Variants in LZTR1 observed in about 807,000 individuals in gnomAD.
LZTR1 encodes the protein leucine zipper like post translational regulator 1, also known as leucine-zipper-like transcriptional regulator 1.
LZTR1 carries 260 observed loss-of-function variants against 105.7 expected under a neutral mutation model. The observed-to-expected ratio is 2.46, with a 90% CI of 2.22 to 2.72. The LOEUF is 2.72. LZTR1 is among the 30% of genes most tolerant of loss of function. The probability of loss-of-function intolerance (pLI) is 0.00; values close to 1 mark genes in which losing one functional copy is unlikely to be tolerated. For synonymous variants in LZTR1, 490 were observed against 476.4 expected, an observed-to-expected ratio of 1.03 and a Z score of -0.37; for missense variants, 1,214 against 1,166.9, an observed-to-expected ratio of 1.04 and a Z score of -0.59.
chr22:20,997,019 GC>G, intron 20 of LZTR1, 53 bp downstream of exon 20: 1 of 1,582,166 alleles, frequency 6.3e-7, no homozygotes, highest in Non-Finnish European at 8.7e-7. Flanking sequence ...CAGTGGCCAT[GC>G]CCAGGCAGGG....
chr22:20,996,981 C>G lies in LZTR1; in HGVS notation c.2406+15C>G, dbSNP rs1350762782. ...AGTTCACCAAGGTCAGGGCTCTGGC[C>G]TCCCCTTCAGGACTCGCTTCCCCTT... On this transcript the variant is annotated intron_variant, in intron 20 of 20. Transcript: ENST00000646124. The G allele has an allele frequency of 1.2e-6, 2 of 1,612,906 alleles. No homozygotes were observed. Among genetic ancestry groups the G allele is most frequent in the East Asian group, 4.5e-5 (2 of 44,886 alleles).
rs1190572312 is a variant in LZTR1, at chr22:20,997,649, G to A, written c.*301G>A. ...GTGATGGGCTCACCACCCAGAAGTG[G>A]GGAGAGACTTTGGGCCTCCCACCCA... On this transcript the variant is annotated 3_prime_UTR_variant, in exon 21 of 21. Coordinates refer to ENST00000646124, the MANE Select transcript of LZTR1 (RefSeq NM_006767.4). 3 of 273,394 alleles carry A rather than the reference G, an allele frequency of 1.1e-5. No individual in the cohort carries two copies. Among genetic ancestry groups the A allele is most frequent in the Admixed American group, 4.7e-5 (1 of 21,346 alleles). 16.9% of individuals were successfully genotyped at this position (273,394 alleles called of 1,614,324 possible).
intron 8 of LZTR1, 193 bp downstream of exon 8, chr22:20,990,718 G>T: frequency 1.7e-6 from 1 of 595,358 alleles, no homozygotes; most frequent in Non-Finnish European, 2.9e-6. Flanking sequence ...CTACAGCTTA[G>T]CAAGATAAGG....
chr22:20,994,200 G>C lies in LZTR1; in HGVS notation c.1546G>C (p.Ala516Pro), dbSNP rs1288910632. ...PPLLHVAIRE[A>P]EARPFEVLMQ... The stretch of plus-strand genomic sequence containing the variant: ...CCTGCTGCACGTGGCCATCCGGGAG[G>C]CCGAGGCCCGGCCCTTCGAGGTGCT... The change falls in exon 14 of 21, where the codon GCC becomes CCC. Residue 516 changes from alanine (A) to proline (P), a missense_variant. Ala to Pro is a conservative substitution (Grantham distance 27, BLOSUM62 -1). Transcript: ENST00000646124. 3 of 1,603,160 alleles carry C rather than the reference G, an allele frequency of 1.9e-6. No individual in the cohort carries two copies. Among genetic ancestry groups the C allele is most frequent in the Non-Finnish European group, 2.5e-6 (3 of 1,178,886 alleles).
chr22:20,982,425 C>T lies in LZTR1; in HGVS notation c.54C>T (p.Gly18=). The change falls in exon 1 of 21, where the codon GGC becomes GGT. Residue 18 remains glycine (G), a synonymous_variant. Coordinates refer to ENST00000646124, the MANE Select transcript of LZTR1 (RefSeq NM_006767.4). The part of the protein sequence containing the change: ...GGQIGAAALA[G]GARSKVAPSV... ...AGATCGGGGCTGCGGCCCTGGCAGG[C>T]GGCGCGCGGTCCAAGGTAGCCCCGA... The T allele has an allele frequency of 6.3e-7, 1 of 1,575,728 alleles. No homozygotes were observed. The highest frequency in any genetic ancestry group is 8.6e-7 in the Non-Finnish European group (1 of 1,160,288).
chr22:20,990,418 CTGCAACTT>C lies in LZTR1; in HGVS notation c.685_692del (p.Cys229ProfsTer28). The C allele has an allele frequency of 6.2e-7, 1 of 1,614,150 alleles. No individual in the cohort carries two copies. The highest frequency in any genetic ancestry group is 8.5e-7 in the Non-Finnish European group (1 of 1,180,030). ...AGAGTGGCGAGATCCCCCCATCTTG[CTGCAACTT>C]CCCCGTGGCTGTGTGCCGGGACAAG... is the stretch of plus-strand genomic sequence containing the variant. On this transcript the variant is annotated frameshift_variant, in exon 8 of 21. Coordinates refer to ENST00000646124, the MANE Select transcript of LZTR1 (RefSeq NM_006767.4). LOFTEE classifies it high-confidence loss of function.
intron 6 of LZTR1, 26 bp from the exon 7 acceptor site, chr22:20,989,599 G>A: frequency 6.2e-7 from 1 of 1,606,168 alleles, no homozygotes; most frequent in African/African-American, 1.3e-5. Flanking sequence ...GACCCAAGGG[G>A]TCCTCACTGG....
At chr22:20,989,522 G>C in intron 6 of LZTR1, 103 bp from the exon 7 acceptor site, 2 of 930,486 alleles carry the variant, frequency 2.1e-6, no homozygotes, top group Non-Finnish European at 3.6e-6. Flanking sequence ...CTCCTACCCT[G>C]TGTGGGGGTG....
At position 20,998,334 on chromosome 22, in the gene LZTR1, G is replaced by C. The variant is rs1236666173; in HGVS notation, c.*986G>C. ...GGGGAATCCTGGAGGCCTGGGGTGG[G>C]CTCCTGCCCCTTCTGCCCTGCCTTG... On this transcript the variant is annotated 3_prime_UTR_variant, in exon 21 of 21. Coordinates refer to ENST00000646124, the MANE Select transcript of LZTR1 (RefSeq NM_006767.4). 1 of 152,408 alleles carries C rather than the reference G, an allele frequency of 6.6e-6. No individual in the cohort carries two copies. The highest frequency in any genetic ancestry group is 1.5e-5 in the Non-Finnish European group (1 of 68,190). 9.4% of individuals were successfully genotyped at this position (152,408 alleles called of 1,614,324 possible).
At chr22:20,985,556 C>T (rs1404190050) in intron 2 of LZTR1, among the ~76,000 whole-genome samples, 1 of 150,812 alleles carries the variant, frequency 6.6e-6, no homozygotes, top group Non-Finnish European at 1.5e-5. Flanking sequence ...TTCATGCCTT[C>T]ATGTCAGCTG....
intron 6 of LZTR1, 102 bp downstream of exon 6, chr22:20,988,974 C>G (rs544361034): frequency 1.9e-6 from 2 of 1,047,274 alleles, no homozygotes; most frequent in African/African-American, 3.1e-5. Flanking sequence ...ATTTTGAGTG[C>G]CTGGTGGATT....
At chr22:20,988,650 G>A in intron 5 of LZTR1, 139 bp from the exon 6 acceptor site, 2 of 667,090 alleles carry the variant, frequency 3.0e-6, no homozygotes, top group Non-Finnish European at 5.5e-6. Flanking sequence ...CTAGTGCCTT[G>A]TGGAGGTCCT....
chr22:20,997,089 A>T, intron 20 of LZTR1, 123 bp downstream of exon 20: 1 of 1,181,938 alleles, frequency 8.5e-7, no homozygotes, highest in Non-Finnish European at 1.3e-6. Flanking sequence ...AGAGAAGCAG[A>T]GCAGCCCATC....
intron 10 of LZTR1, 144 bp from the exon 11 acceptor site, chr22:20,992,650 C>A (rs1924646986): frequency 1.5e-6 from 1 of 646,258 alleles, no homozygotes; most frequent in Non-Finnish European, 2.7e-6. Flanking sequence ...TGTGTCTGTA[C>A]CCAGGGGCCC....
In LZTR1 at chr22:20,994,094, C is replaced by T; in HGVS notation, c.1450-10C>T. On this transcript the variant is annotated splice_polypyrimidine_tract_variant and intron_variant, in intron 13 of 20. Coordinates refer to ENST00000646124, the MANE Select transcript of LZTR1 (RefSeq NM_006767.4). ...CACTGGGGTGTCCTTGAGCTCCCTT[C>T]TCCCCACAGAAGCTGGAGCAGGAGG... 1 of 1,577,360 alleles carries T rather than the reference C, an allele frequency of 6.3e-7. No individual in the cohort carries two copies. Among genetic ancestry groups the T allele is most frequent in the African/African-American group, 1.3e-5 (1 of 74,446 alleles).
At chr22:20,990,734 C>G in intron 8 of LZTR1, 1 of 553,154 alleles carries the variant, frequency 1.8e-6, no homozygotes, top group Non-Finnish European at 3.2e-6. Flanking sequence ...TAAGGCCTGG[C>G]GAGGAGGCCC....
rs1468254519 is a variant in LZTR1 at position 20,993,589 on chromosome 22, G to C, written c.1261-73G>C. ...AGCATGGGCCAGGTGGGGACCTCAG[G>C]GTCGGCCTGCACAGCCACACTGGGG... On this transcript the variant is annotated intron_variant, in intron 11 of 20. Coordinates refer to ENST00000646124, the MANE Select transcript of LZTR1 (RefSeq NM_006767.4). The C allele has an allele frequency of 2.3e-6, 3 of 1,324,998 alleles. No homozygotes were observed. In the Admixed American group the frequency reaches 5.7e-5, roughly 25 times the overall value. The allele number at this position is 1,324,998 out of a possible 1,614,324, so 82.1% of individuals were successfully genotyped here. A position where few individuals can be genotyped will look rare whatever the true frequency, so the allele number is the denominator to read the frequency against.
At chr22:20,988,899 C>T (rs1315681841) in intron 6 of LZTR1, 27 bp downstream of exon 6, 1 of 1,597,574 alleles carries the variant, frequency 6.3e-7, no homozygotes, top group East Asian at 2.2e-5. Context: ...CCTGTGCACC[C>T]CACCTCCGAC....
rs1374011263 is a variant in LZTR1 at position 20,989,623 on chromosome 22, A to G, written c.594-2A>G. The G allele has an allele frequency of 3.7e-6, 6 of 1,613,324 alleles. No homozygotes were observed. The highest frequency in any genetic ancestry group is 1.1e-5 in the South Asian group (1 of 91,080). ...GGTCCTCACTGGTCTGTCCTAATAC[A>G]GGTTGAATGACATGTGGACAATTGG... On this transcript the variant is annotated splice_acceptor_variant, in intron 6 of 20. Transcript: ENST00000646124. LOFTEE classifies it high-confidence loss of function.
Sources: gnomAD v4.1 joint callset for allele counts (sites outside exome capture counted in the v4.1 genomes callset) on GRCh38, gnomAD v4.1.1 for gene constraint, MANE v1.5 for transcripts, NCBI Gene and HGNC (gene_info 2026-07-23, HGNC 2026-07-21) for gene names.